The following SAFB variants were observed in gnomAD, a reference collection of about 807,000 sequenced individuals.
The protein encoded by SAFB is scaffold attachment factor B, also known as scaffold attachment factor B1.
SAFB carries 15 observed loss-of-function variants against 101.6 expected under a neutral mutation model. That is an observed-to-expected ratio of 0.15 (90% confidence interval 0.10 to 0.23). The LOEUF (loss-of-function observed/expected upper bound fraction) is 0.23. Among genes scored for constraint, SAFB ranks in the 10% least tolerant of loss-of-function variants. The pLI is 1.00. For synonymous variants in SAFB, 449 were observed against 407.5 expected (o/e 1.10, Z -1.23); for missense variants, 930 against 1,104.1 (o/e 0.84, Z 2.23).
chr19:5,634,033 T>G (rs2053545431), intron 2 of SAFB, among the ~76,000 whole-genome samples: 1 of 152,130 alleles, frequency 6.6e-6, no homozygotes, highest in African/African-American at 2.4e-5. Context: ...ATTTTTTAGG[T>G]GACAGTTATA....
intron 2 of SAFB, among the ~76,000 whole-genome samples, chr19:5,630,829 T>G (rs1043351581): frequency 1.3e-5 from 2 of 152,152 alleles, no homozygotes; most frequent in African/African-American, 4.8e-5. Flanking sequence ...TTTTTACATT[T>G]TACATTTGGA....
chr19:5,660,669 A>T (rs560928133), intron 14 of SAFB, among the ~76,000 whole-genome samples: 79 of 141,834 alleles, frequency 5.6e-4, no homozygotes, highest in Middle Eastern at 3.8e-3. Flanking sequence ...TTTTGAGCTC[A>T]GGAGTTCGAG....
intron 17 of SAFB, 41 bp downstream of exon 17, chr19:5,664,480 A>G (rs922941999): frequency 6.6e-7 from 1 of 1,518,516 alleles, no homozygotes; most frequent in Non-Finnish European, 9.2e-7. Flanking sequence ...AATTTCCCAT[A>G]GAATGGGTTC....
At chr19:5,637,931 C>G (rs919532168) in intron 2 of SAFB, among the ~76,000 whole-genome samples, 7 of 152,198 alleles carry the variant, frequency 4.6e-5, no homozygotes, top group Non-Finnish European at 7.3e-5. Context: ...GGAAGACAGT[C>G]AAAGAGTTTA....
intron 2 of SAFB, among the ~76,000 whole-genome samples, chr19:5,626,780 C>T (rs1462497080): frequency 1.3e-5 from 2 of 152,096 alleles, no homozygotes; most frequent in African/African-American, 4.8e-5. Context: ...GTCACAGTGG[C>T]GTGTGCCTGT....
chr19:5,667,337 C>T lies in SAFB; in HGVS notation c.2454-10C>T. 6.7e-7 allele frequency: 1 copy of T among 1,481,800 alleles called. No homozygotes were observed. The highest frequency in any genetic ancestry group is 9.0e-7 in the Non-Finnish European group (1 of 1,116,072). The allele number at this position is 1,481,800 out of a possible 1,614,324, so 91.8% of individuals were successfully genotyped here. On this transcript the variant is annotated splice_polypyrimidine_tract_variant and intron_variant, in intron 18 of 20. Transcript: ENST00000588852. The surrounding 1 kb of genome is among the most constrained non-coding windows in gnomAD (Gnocchi z 4.0). ...GGGGCAATCCAAATCAGAGATGTCT[C>T]TCTTTCAAGGGGCAGACGTGACTGG...
intron 2 of SAFB, among the ~76,000 whole-genome samples, chr19:5,635,236 T>C (rs191361505): frequency 1.3e-5 from 2 of 152,196 alleles, no homozygotes; most frequent in Admixed American, 1.3e-4. Context: ...TACAGCCTTT[T>C]TGAGAAGGCA....
chr19:5,652,198 GA>G lies in SAFB; in HGVS notation c.1294-906del, dbSNP rs929516955. 3.4e-3 allele frequency among the ~76,000 whole-genome samples: 474 copies of G among 141,428 alleles called. 3 individuals are homozygous for G. Among genetic ancestry groups the G allele is most frequent in the East Asian group, 9.6e-3 (47 of 4,880 alleles). 92.8% of individuals were successfully genotyped at this position (141,428 alleles called of 152,430 possible). A position where few individuals can be genotyped will look rare whatever the true frequency, so the allele number is the denominator to read the frequency against. On this transcript the variant is annotated intron_variant, in intron 9 of 20. Coordinates refer to ENST00000588852, the MANE Select transcript of SAFB (RefSeq NM_001201338.2). ...AGAGCAAGACTCCATCTTAAAAAAA[GA>G]AAAAAAAAAAGGATAAAACTAATTA...
chr19:5,667,136 G>A lies in SAFB; in HGVS notation c.2425G>A (p.Glu809Lys), dbSNP rs1480752698. ...CTATGGCTCTGACAAGAGGATGAGC[G>A]AGGGCCGGGGGCTGCCTCCTCCCCC... ...GGYGSDKRMS[E>K]GRGLPPPPRG... Residue 809 changes from glutamate (E) to lysine (K), a missense_variant, in exon 18 of 21, where the codon GAG becomes AAG. By Grantham distance (56) the Glu-to-Lys change is moderately conservative. Around this residue, in one of 7 missense-constraint regions of SAFB, gnomAD observed 318 missense variants for 342.6 expected, o/e 0.93. Transcript: ENST00000588852. This position sits in a 1 kb window ranked among gnomAD's most constrained non-coding sequence, Gnocchi z 4.0. 4.4e-6 allele frequency: 7 copies of A among 1,606,824 alleles called. No homozygotes were observed. Among genetic ancestry groups the A allele is most frequent in the Middle Eastern group, 1.6e-4 (1 of 6,066 alleles).
chr19:5,632,809 G>A (rs183182601), intron 2 of SAFB, among the ~76,000 whole-genome samples: 5 of 152,182 alleles, frequency 3.3e-5, no homozygotes, highest in Non-Finnish European at 5.9e-5. Flanking sequence ...GCAATTGTAG[G>A]TCACTGCAAC....
At chr19:5,659,414 C>T (rs561450499) in intron 14 of SAFB, among the ~76,000 whole-genome samples, 2 of 151,698 alleles carry the variant, frequency 1.3e-5, no homozygotes, top group East Asian at 3.9e-4. Context: ...CGGAATCTTG[C>T]TCTGTCTCCC....
At chr19:5,630,143 C>T (rs1963962013) in intron 2 of SAFB, among the ~76,000 whole-genome samples, 1 of 152,200 alleles carries the variant, frequency 6.6e-6, no homozygotes, top group Non-Finnish European at 1.5e-5. Flanking sequence ...CCTTGTTTGC[C>T]TGTTACCTTG....
At position 5,645,819 on chromosome 19, in the gene SAFB, TGTTGGGGAA is replaced by T. The variant is rs968315766; in HGVS notation, c.609+422_609+430del. Among the ~76,000 whole-genome samples the T allele has an allele frequency of 4.7e-4, 71 of 152,308 alleles. 1 individual carries two copies. The highest frequency in any genetic ancestry group is 1.6e-3 in the African/African-American group (67 of 41,576). On this transcript the variant is annotated intron_variant, in intron 5 of 20. Transcript: ENST00000588852. ...TGGGGATTGAGGGTTGACAGAGCCC[TGTTGGGGAA>T]GGTGGGGTCTCAGGGGTTCTGGTCT...
chr19:5,624,293 T>G (rs1403845165), intron 1 of SAFB, among the ~76,000 whole-genome samples: 4 of 151,874 alleles, frequency 2.6e-5, no homozygotes, highest in Non-Finnish European at 5.9e-5. Context: ...TAAATAAGTT[T>G]GCGTGGAGCA....
chr19:5,633,838 A>G (rs2053542042), intron 2 of SAFB, among the ~76,000 whole-genome samples: 1 of 152,012 alleles, frequency 6.6e-6, no homozygotes, highest in Non-Finnish European at 1.5e-5. Context: ...TTCTGTAACT[A>G]GGATGTCAAC....
chr19:5,652,748 CT>C (rs772420943), intron 9 of SAFB, among the ~76,000 whole-genome samples: 1 of 149,870 alleles, frequency 6.7e-6, no homozygotes, highest in African/African-American at 2.5e-5. Context: ...TTTCTTTTTT[CT>C]TTTTTTGCCC....
chr19:5,661,616 T>G lies in SAFB; in HGVS notation c.1961T>G (p.Phe654Cys), dbSNP rs1568279053. 6.2e-7 allele frequency: 1 copy of G among 1,612,450 alleles called. No individual in the cohort carries two copies. Among genetic ancestry groups the G allele is most frequent in the Non-Finnish European group, 8.5e-7 (1 of 1,179,786 alleles). ...GAGATTGCCCGAGAGAGGCTGGCCT[T>G]CCAGCGCCAGCGGCTGGAGCGGGAG... ...RLEIARERLA[F>C]QRQRLERERM... is the part of the protein sequence containing the mutation. Residue 654 changes from phenylalanine to cysteine, a missense_variant, in exon 15 of 21, where the codon TTC becomes TGC. By Grantham distance (205) the Phe-to-Cys change is radical. This residue lies in a region of SAFB where 159 missense variants were observed against 234.1 expected (regional missense o/e 0.68). Transcript: ENST00000588852.
chr19:5,650,146 A>G (rs531622103), intron 8 of SAFB, among the ~76,000 whole-genome samples, 171 bp downstream of exon 8: 1 of 152,274 alleles, frequency 6.6e-6, no homozygotes, highest in African/African-American at 2.4e-5. Context: ...GGTTGTAGGA[A>G]GCATACCAGG....
intron 5 of SAFB, among the ~76,000 whole-genome samples, chr19:5,647,013 A>G (rs2053840657): frequency 6.6e-6 from 1 of 152,208 alleles, no homozygotes; most frequent in Non-Finnish European, 1.5e-5. Flanking sequence ...CCTGCAACCG[A>G]TGACGAGTCT....
Sources: gnomAD v4.1 joint callset for allele counts (sites outside exome capture counted in the v4.1 genomes callset) on GRCh38, gnomAD v4.1.1 for gene constraint, gnomAD v4.1.1 regional missense constraint, Gnocchi (gnomAD v3.1) non-coding constraint, MANE v1.5 for transcripts, NCBI Gene and HGNC (gene_info 2026-07-23, HGNC 2026-07-21) for gene names.